The following PCDH9 variants were observed in gnomAD, a reference collection of about 807,000 sequenced individuals.
PCDH9 encodes protocadherin 9.
A neutral mutation model predicts 70.6 loss-of-function variants in PCDH9; 24 were observed. The ratio of observed to expected loss-of-function variants is 0.34; its 90% CI spans 0.25 to 0.48. The LOEUF is 0.48. PCDH9 is among the 20% of genes least tolerant of loss of function. The pLI is 0.99. For synonymous variants in PCDH9, 562 were observed against 558.5 expected (o/e 1.01, Z -0.09); for missense variants, 1,281 against 1,503.6 (o/e 0.85, Z 2.45).
intron 2 of PCDH9, among the ~76,000 whole-genome samples, chr13:67,065,724 T>C (rs1044704154): frequency 4.6e-5 from 7 of 152,296 alleles, no homozygotes; most frequent in African/African-American, 1.7e-4. Flanking sequence ...TTACGGTTAG[T>C]AGGGGCAGAG....
chr13:66,895,873 C>T (rs915452933), intron 3 of PCDH9, among the ~76,000 whole-genome samples: 3 of 152,192 alleles, frequency 2.0e-5, no homozygotes, highest in Admixed American at 6.5e-5. Flanking sequence ...CTCATCCCCC[C>T]TCTCTTTGTG....
At chr13:66,864,883 A>G (rs920579567) in intron 3 of PCDH9, among the ~76,000 whole-genome samples, 3 of 152,236 alleles carry the variant, frequency 2.0e-5, no homozygotes, top group Non-Finnish European at 4.4e-5. Flanking sequence ...GTGTTGAACA[A>G]AAGTACTAAG....
intron 3 of PCDH9, among the ~76,000 whole-genome samples, chr13:66,847,791 C>A (rs1428818148): frequency 6.6e-6 from 1 of 152,082 alleles, no homozygotes; most frequent in African/African-American, 2.4e-5. Context: ...CATATAGAGC[C>A]CAGAGACAGA....
chr13:67,045,194 C>A (rs1036301047), intron 2 of PCDH9, among the ~76,000 whole-genome samples: 2 of 152,068 alleles, frequency 1.3e-5, no homozygotes, highest in African/African-American at 4.8e-5. Context: ...ATGTCATGGC[C>A]TATCACCAAC....
chr13:66,940,028 T>TAA (rs1230578997), intron 2 of PCDH9, among the ~76,000 whole-genome samples: 1 of 152,214 alleles, frequency 6.6e-6, no homozygotes, highest in Non-Finnish European at 1.5e-5. Flanking sequence ...TGATGCAGCA[T>TAA]AATATAGATT....
chr13:66,649,040 G>C (rs1222876253), intron 3 of PCDH9, among the ~76,000 whole-genome samples: 1 of 151,982 alleles, frequency 6.6e-6, no homozygotes, highest in East Asian at 1.9e-4. Context: ...GAATAAAAAA[G>C]ATTGAAGCCT....
intron 3 of PCDH9, among the ~76,000 whole-genome samples, chr13:66,689,534 T>G (rs2078452744): frequency 6.6e-6 from 1 of 152,186 alleles, no homozygotes; most frequent in Non-Finnish European, 1.5e-5. Context: ...CTTATTTAAA[T>G]AGCTGACTGA....
rs1030850099 is a variant in PCDH9 at position 66,304,540 on chromosome 13, T to C, written c.*115A>G. On this transcript the variant is annotated 3_prime_UTR_variant, in exon 5 of 5. Transcript: ENST00000377865. ...TCTCCATGGTGCTAACACAAAGTTA[T>C]AGGTATCCCTGCTAGAAGGGGCATA... is the stretch of plus-strand genomic sequence containing the variant. The C allele has an allele frequency of 1.3e-6, 1 of 778,938 alleles. No homozygotes were observed. The highest frequency in any genetic ancestry group is 1.7e-5 in the South Asian group (1 of 58,964). 48.3% of individuals were successfully genotyped at this position (778,938 alleles called of 1,614,324 possible). A position where few individuals can be genotyped will look rare whatever the true frequency, so the allele number is the denominator to read the frequency against.
At chr13:66,354,306 G>A (rs910501941) in intron 4 of PCDH9, among the ~76,000 whole-genome samples, 3 of 152,110 alleles carry the variant, frequency 2.0e-5, no homozygotes, top group Non-Finnish European at 1.5e-5. Context: ...AGAAATAAAA[G>A]TTAAAGGTAT....
At chr13:66,880,020 A>G (rs554797557) in intron 3 of PCDH9, 1 of 152,202 alleles carries the variant, frequency 6.6e-6, no homozygotes, top group South Asian at 2.1e-4. Flanking sequence ...AGCAAATCCA[A>G]AAAATGCTCC....
At chr13:66,453,850 T>A (rs1958264150) in intron 4 of PCDH9, among the ~76,000 whole-genome samples, 1 of 152,198 alleles carries the variant, frequency 6.6e-6, no homozygotes, top group Non-Finnish European at 1.5e-5. Context: ...AAACCAAGAA[T>A]AAAAGTGAAC....
intron 2 of PCDH9, among the ~76,000 whole-genome samples, chr13:66,952,841 A>G (rs1485222856): frequency 6.6e-6 from 1 of 152,074 alleles, no homozygotes; most frequent in African/African-American, 2.4e-5. Context: ...AGGAATAAAC[A>G]TACCGGGACC....
At chr13:66,684,995 T>C (rs969890652) in intron 3 of PCDH9, among the ~76,000 whole-genome samples, 24 of 151,912 alleles carry the variant, frequency 1.6e-4, no homozygotes, top group African/African-American at 5.6e-4. Flanking sequence ...TTCACAAAGT[T>C]TGGAAAATTT....
chr13:66,603,146 C>G (rs1043270764), intron 4 of PCDH9, among the ~76,000 whole-genome samples: 6 of 145,454 alleles, frequency 4.1e-5, no homozygotes, highest in Admixed American at 1.4e-4. Flanking sequence ...GAAAGTAAGT[C>G]CTATGAGTTT....
chr13:66,499,524 C>T (rs1932880), intron 4 of PCDH9, among the ~76,000 whole-genome samples: 118,145 of 152,096 alleles, frequency 0.78, 47,057 homozygotes, highest in East Asian at 0.91. Context: ...GGAGACAATG[C>T]TGTTGGAGGC....
intron 2 of PCDH9, among the ~76,000 whole-genome samples, chr13:67,024,871 G>A (rs74093523): frequency 0.042 from 6,329 of 152,092 alleles, 458 homozygotes; most frequent in African/African-American, 0.14. Flanking sequence ...TTTAACAAAG[G>A]AGTACTCACA....
At chr13:66,320,937 C>A (rs1165643765) in intron 4 of PCDH9, among the ~76,000 whole-genome samples, 1 of 151,924 alleles carries the variant, frequency 6.6e-6, no homozygotes, top group Non-Finnish European at 1.5e-5. Context: ...TACTGGGGAC[C>A]AAGTTTCTTT....
intron 4 of PCDH9, among the ~76,000 whole-genome samples, chr13:66,518,174 G>A (rs1043852920): frequency 6.6e-6 from 1 of 151,956 alleles, no homozygotes; most frequent in African/African-American, 2.4e-5. Flanking sequence ...GGCAAAAACA[G>A]GAAAAACAGA....
chr13:66,794,475 A>C (rs2080208721), intron 3 of PCDH9, among the ~76,000 whole-genome samples: 1 of 152,172 alleles, frequency 6.6e-6, no homozygotes, highest in Non-Finnish European at 1.5e-5. Context: ...TTTTTACTTC[A>C]GTGCCAGAAG....
Sources: allele counts gnomAD v4.1 joint callset (sites outside exome capture counted in the v4.1 genomes callset), GRCh38; gene constraint gnomAD v4.1.1; transcripts MANE v1.5; gene names NCBI Gene and HGNC (gene_info 2026-07-23, HGNC 2026-07-21).